The following EDEM2 variants were observed in gnomAD, a reference collection of about 807,000 sequenced individuals.
EDEM2 encodes ER degradation-enhancing alpha-mannosidase-like protein 2.
Under a neutral mutation model 64.8 loss-of-function variants are expected in EDEM2, and 39 were observed. The ratio of observed to expected loss-of-function variants is 0.60; its 90% CI spans 0.47 to 0.79. The LOEUF (loss-of-function observed/expected upper bound fraction) is 0.79. Among genes scored for constraint, EDEM2 ranks in the 30% least tolerant of loss-of-function variants. EDEM2 has a pLI of 0.00. For synonymous variants in EDEM2, 296 were observed against 291.5 expected (o/e 1.02, Z -0.16); for missense variants, 609 against 731.3 (o/e 0.83, Z 1.93).
At chr20:35,134,261 C>T (rs1166490093) in intron 6 of EDEM2, 2 of 400,852 alleles carry the variant, frequency 5.0e-6, no homozygotes, top group Admixed American at 6.2e-5. Context: ...TGCTCATGTG[C>T]ATTCTGACTC....
At position 35,115,489 on chromosome 20, in the gene EDEM2, G is replaced by A. The variant is rs747143990; in HGVS notation, c.1681C>T (p.Gln561Ter). The A allele has an allele frequency of 3.1e-6, 5 of 1,614,054 alleles. No individual in the cohort carries two copies. In the South Asian group the frequency reaches 4.4e-5, roughly 14 times the overall value. Residue 561 changes from glutamine (Q) to a stop codon, truncating the protein, a stop_gained, in exon 11 of 11, where the codon CAG becomes TAG. Coordinates refer to ENST00000374492, the MANE Select transcript of EDEM2 (RefSeq NM_018217.3). LOFTEE classifies it high-confidence loss of function. ...QKVPLLSCPS[Q>*]PFTSKLALLG... ...AATGCCAACTTGGAGGTGAAGGGCT[G>A]ACTGGGGCAGCTGAGAAGTGGGACC...
Position 35,147,312 on chromosome 20 carries a change from T to A in EDEM2, c.-54A>T, listed in dbSNP as rs2085750345. On this transcript the variant is annotated 5_prime_UTR_variant, in exon 1 of 11. Coordinates refer to ENST00000374492, the MANE Select transcript of EDEM2 (RefSeq NM_018217.3). ...AGCAGCAGCAGCCACTGCAACCAGTTCATCCTGGGAGCTGCTGCGGGTTCT... is the reference window on the plus strand; with the variant it reads ...AGCAGCAGCAGCCACTGCAACCAGTACATCCTGGGAGCTGCTGCGGGTTCT... 6 of 1,430,714 alleles carry A rather than the reference T, an allele frequency of 4.2e-6. No homozygotes were observed. 88.6% of individuals were successfully genotyped at this position (1,430,714 alleles called of 1,614,324 possible).
intron 6 of EDEM2, 70 bp from the exon 7 acceptor site, chr20:35,131,853 A>T (rs1372065534): frequency 6.4e-6 from 10 of 1,558,146 alleles, no homozygotes; most frequent in African/African-American, 1.4e-5. Flanking sequence ...CTCACCCCCA[A>T]CCCTGACTGC....
intron 4 of EDEM2, among the ~76,000 whole-genome samples, chr20:35,138,648 C>T (rs112928119): frequency 0.22 from 33,040 of 148,268 alleles, 3,774 homozygotes; most frequent in Middle Eastern, 0.34. Flanking sequence ...GGCGCGATTT[C>T]GGCTCACTGC....
chr20:35,131,927 G>A (rs1355086443), intron 6 of EDEM2, 144 bp from the exon 7 acceptor site: 1 of 935,304 alleles, frequency 1.1e-6, no homozygotes. Context: ...TGAGAGGGAA[G>A]GGCAATGCTG....
At position 35,118,714 on chromosome 20, in the gene EDEM2, T is replaced by G. The variant is rs1289334687; in HGVS notation, c.1120A>C (p.Ile374Leu). 9 of 1,612,082 alleles carry G rather than the reference T, an allele frequency of 5.6e-6. No homozygotes were observed. Among genetic ancestry groups the G allele is most frequent in the Non-Finnish European group, 6.8e-6 (8 of 1,179,904 alleles). Residue 374 changes from isoleucine to leucine, a missense_variant, in exon 10 of 11, where the codon ATT becomes CTT. Transcript: ENST00000374492. ...REGYPLRPEL[I>L]ESAMYLYRAT... ...CGGTAGAGGTACATTGCGCTTTCAATAAGTTCTGCAAAGTCCAAAGCAGAC... is the reference window on the plus strand; with the variant it reads ...CGGTAGAGGTACATTGCGCTTTCAAGAAGTTCTGCAAAGTCCAAAGCAGAC...
Position 35,146,866 on chromosome 20 carries a change from C to A in EDEM2, c.177G>T (p.Glu59Asp). The A allele has an allele frequency of 6.2e-7, 1 of 1,614,176 alleles. No homozygotes were observed. ...SYLENAFPFD[E>D]LRPLTCDGHD... is the part of the protein sequence containing the mutation. Reference sequence around the variant, plus strand: ...GCCCGTCACAGGTGAGAGGTCGCAGCTCATCGAAGGGAAAGGCATTCTCCA... The same window carrying A: ...GCCCGTCACAGGTGAGAGGTCGCAGATCATCGAAGGGAAAGGCATTCTCCA... Residue 59 changes from glutamate (E) to aspartate (D), a missense_variant, in exon 2 of 11, where the codon GAG becomes GAT. Glu to Asp is a conservative substitution (Grantham distance 45). Coordinates refer to ENST00000374492, the MANE Select transcript of EDEM2 (RefSeq NM_018217.3).
At position 35,147,235 on chromosome 20, in the gene EDEM2, C is replaced by G. The variant is rs111615906; in HGVS notation, c.24G>C (p.Pro8=). 5.0e-6 allele frequency: 8 copies of G among 1,593,278 alleles called. No individual in the cohort carries two copies. Among genetic ancestry groups the G allele is most frequent in the African/African-American group, 1.3e-5 (1 of 74,392 alleles). MPFRLLI[P]LGLLCALLPQ... ...GCAGCAGCGCGCACAGGAGGCCGAG[C>G]GGGATGAGCAGCCGGAAAGGCATAG... The change falls in exon 1 of 11, where the codon CCG becomes CCC. Residue 8 remains proline, a synonymous_variant. Transcript: ENST00000374492.
chr20:35,134,282 G>C (rs760681799), intron 6 of EDEM2: 1 of 382,914 alleles, frequency 2.6e-6, no homozygotes, highest in Non-Finnish European at 5.1e-6. Flanking sequence ...TCCAAAAAAG[G>C]GGGGGATATT....
At chr20:35,143,701 G>A (rs1042206971) in intron 3 of EDEM2, among the ~76,000 whole-genome samples, 1 of 152,106 alleles carries the variant, frequency 6.6e-6, no homozygotes, top group Non-Finnish European at 1.5e-5. Flanking sequence ...TGTGGAGTGG[G>A]TACTTGACCT....
intron 10 of EDEM2, 23 bp downstream of exon 10, chr20:35,118,575 C>T (rs1280327003): frequency 1.2e-6 from 2 of 1,613,726 alleles, no homozygotes; most frequent in East Asian, 2.2e-5. Context: ...CTTCCCAGTT[C>T]TTGGGGCCAT....
Position 35,124,007 on chromosome 20 carries a change from T to C in EDEM2, c.997A>G (p.Met333Val). ...QSLIGDIDNAMRTFLNYYTVW... is the reference protein window; with the variant it reads ...QSLIGDIDNAVRTFLNYYTVW... ...GTGTAGTAGTTGAGGAAGGTCCTCATGGCATTGTCAATGTCTCCAATGAGG... is the reference window on the plus strand; with the variant it reads ...GTGTAGTAGTTGAGGAAGGTCCTCACGGCATTGTCAATGTCTCCAATGAGG... The change falls in exon 9 of 11, where the codon ATG (methionine) becomes GTG (valine). Residue 333 changes from methionine to valine, a missense_variant. By Grantham distance (21) the Met-to-Val change is conservative (BLOSUM62 1). Transcript: ENST00000374492. 1 of 1,613,894 alleles carries C rather than the reference T, an allele frequency of 6.2e-7. No homozygotes were observed. Among genetic ancestry groups the C allele is most frequent in the African/African-American group, 1.3e-5 (1 of 75,052 alleles).
chr20:35,134,517 T>C (rs994721728), intron 6 of EDEM2, among the ~76,000 whole-genome samples: 3 of 152,220 alleles, frequency 2.0e-5, no homozygotes, highest in African/African-American at 7.2e-5. Context: ...CAAAGCTGAA[T>C]GCAGCCCCTG....
intron 10 of EDEM2, 151 bp downstream of exon 10, chr20:35,118,447 T>C (rs2146085391): frequency 2.6e-6 from 3 of 1,174,308 alleles, no homozygotes; most frequent in Non-Finnish European, 3.6e-6. Flanking sequence ...TGTTCTTTGG[T>C]CTCCCCATCT....
intron 9 of EDEM2, among the ~76,000 whole-genome samples, chr20:35,121,766 C>T (rs984278697): frequency 1.1e-4 from 17 of 150,892 alleles, no homozygotes; most frequent in African/African-American, 2.9e-4. Context: ...ACTGGATTAA[C>T]GCACTCCTGG....
intron 9 of EDEM2, among the ~76,000 whole-genome samples, chr20:35,121,156 T>C (rs750541343): frequency 4.6e-5 from 7 of 152,240 alleles, no homozygotes; most frequent in South Asian, 2.1e-4. Flanking sequence ...ACTTTATTTA[T>C]ATTATTATTA....
At chr20:35,124,672 A>G (rs1490473480) in intron 8 of EDEM2, among the ~76,000 whole-genome samples, 3 of 152,156 alleles carry the variant, frequency 2.0e-5, no homozygotes, top group African/African-American at 7.2e-5. Context: ...CTGGCCTCAG[A>G]TAAACATTAC....
Position 35,139,075 on chromosome 20 carries a change from C to T in EDEM2, c.365-1070G>A, listed in dbSNP as rs1367145365. On this transcript the variant is annotated intron_variant, in intron 4 of 10. Transcript: ENST00000374492. ...TCTGATAAAAGGTCCCTATGCAGGC[C>T]AGGCATGGTGGCTCACATCTGTAAT... is the stretch of plus-strand genomic sequence containing the variant. Among the ~76,000 whole-genome samples the T allele has an allele frequency of 3.9e-5, 6 of 152,124 alleles. No individual in the cohort carries two copies. The East Asian group carries it at 9.7e-4, about 25-fold the overall frequency.
intron 9 of EDEM2, among the ~76,000 whole-genome samples, chr20:35,119,797 T>C (rs1347653866): frequency 6.6e-6 from 1 of 152,138 alleles, no homozygotes; most frequent in Non-Finnish European, 1.5e-5. Context: ...CAGATGAGAA[T>C]ATTTATTCTA....
Sources: gnomAD v4.1 joint callset for allele counts (sites outside exome capture counted in the v4.1 genomes callset) on GRCh38, gnomAD v4.1.1 for gene constraint, MANE v1.5 for transcripts, NCBI Gene and HGNC (gene_info 2026-07-23, HGNC 2026-07-21) for gene names.